CHRNA7: variants seen among roughly 807,000 people sequenced by gnomAD.
CHRNA7 encodes cholinergic receptor nicotinic alpha 7 subunit.
CHRNA7 carries 17 observed loss-of-function variants against 48.0 expected under a neutral mutation model. The ratio of observed to expected loss-of-function variants is 0.35; its 90% CI spans 0.24 to 0.53. The LOEUF (loss-of-function observed/expected upper bound fraction) is 0.53. Among genes scored for constraint, CHRNA7 ranks in the 20% least tolerant of loss-of-function variants. The pLI is 0.92. For synonymous variants in CHRNA7, 75 were observed against 242.3 expected (o/e 0.31, Z 6.41); for missense variants, 155 against 577.7 (o/e 0.27, Z 7.50).
At chr15:32,094,609 C>T (rs180678266) in intron 2 of CHRNA7, among the ~76,000 whole-genome samples, 9 of 152,058 alleles carry the variant, frequency 5.9e-5, no homozygotes, top group East Asian at 3.9e-4. Context: ...AACTTTTTTC[C>T]GATAATTTAA....
At chr15:32,150,460 T>G (rs1448447543) in intron 4 of CHRNA7, among the ~76,000 whole-genome samples, 2 of 152,208 alleles carry the variant, frequency 1.3e-5, no homozygotes, top group African/African-American at 2.4e-5. Context: ...AGGGACAGAC[T>G]TTAATTTTTT....
At chr15:32,097,565 C>T (rs113402671) in intron 2 of CHRNA7, among the ~76,000 whole-genome samples, 10 of 152,156 alleles carry the variant, frequency 6.6e-5, no homozygotes, top group African/African-American at 1.7e-4. Context: ...GACTTCCAGC[C>T]GCCAGAACTG....
Position 32,080,278 on chromosome 15 carries a change from A to G in CHRNA7, c.196-21025A>G, listed in dbSNP as rs532480654. On this transcript the variant is annotated intron_variant, in intron 2 of 9. Transcript: ENST00000306901. ...GTTGAAAACGTCAAAATCAATTGCA[A>G]CAAAAACAAAAATTAACAAATGGGA... 6.0e-4 allele frequency among the ~76,000 whole-genome samples: 92 copies of G among 152,344 alleles called. No individual in the cohort carries two copies. In the South Asian group the frequency reaches 0.019, roughly 31 times the overall value.
At chr15:32,066,400 G>GC (rs2049967614) in intron 2 of CHRNA7, among the ~76,000 whole-genome samples, 1 of 151,938 alleles carries the variant, frequency 6.6e-6, no homozygotes, top group Non-Finnish European at 1.5e-5. Flanking sequence ...TTCTGCCTCA[G>GC]CCTCCCAAGT....
intron 2 of CHRNA7, 64 bp downstream of exon 2, chr15:32,031,101 C>T (rs1395065371): frequency 4.4e-6 from 7 of 1,595,434 alleles, no homozygotes; most frequent in Non-Finnish European, 6.0e-6. Flanking sequence ...GCTTTTTAGA[C>T]AGCGTCGGGC....
intron 2 of CHRNA7, among the ~76,000 whole-genome samples, chr15:32,083,725 T>C (rs2050251623): frequency 6.6e-6 from 1 of 152,224 alleles, no homozygotes; most frequent in African/African-American, 2.4e-5. Flanking sequence ...AAGTGGCTCA[T>C]ATATAACAAA....
chr15:32,097,994 G>A (rs959936895), intron 2 of CHRNA7, among the ~76,000 whole-genome samples: 5 of 152,242 alleles, frequency 3.3e-5, no homozygotes, highest in African/African-American at 1.2e-4. Flanking sequence ...TGGGCAGTGG[G>A]AGTGGAGCCC....
chr15:32,045,101 T>C (rs187049613), intron 2 of CHRNA7, among the ~76,000 whole-genome samples: 71 of 152,352 alleles, frequency 4.7e-4, no homozygotes, highest in African/African-American at 1.7e-3. Context: ...GTTCTTACGA[T>C]GTTTTCTAGC....
chr15:32,114,634 T>C (rs1243847666), intron 4 of CHRNA7, among the ~76,000 whole-genome samples: 3 of 152,242 alleles, frequency 2.0e-5, no homozygotes, highest in African/African-American at 7.2e-5. Flanking sequence ...AAGTAACTGC[T>C]AAATATATGG....
At chr15:32,054,223 A>G (rs901372478) in intron 2 of CHRNA7, among the ~76,000 whole-genome samples, 3 of 152,208 alleles carry the variant, frequency 2.0e-5, no homozygotes, top group South Asian at 2.1e-4. Flanking sequence ...ATGATCAGAG[A>G]TTTAGATTAA....
chr15:32,073,958 T>C (rs2050096914), intron 2 of CHRNA7, among the ~76,000 whole-genome samples: 1 of 152,098 alleles, frequency 6.6e-6, no homozygotes, highest in East Asian at 1.9e-4. Context: ...ACTAATACAT[T>C]GGTCTTCCTT....
chr15:32,083,183 T>C (rs2050242758), intron 2 of CHRNA7, among the ~76,000 whole-genome samples: 1 of 152,086 alleles, frequency 6.6e-6, no homozygotes, highest in African/African-American at 2.4e-5. Flanking sequence ...TAATAGGAGG[T>C]GATTAGCTAA....
intron 2 of CHRNA7, among the ~76,000 whole-genome samples, chr15:32,062,430 G>A (rs1396336366): frequency 2.0e-5 from 3 of 152,044 alleles, no homozygotes; most frequent in Non-Finnish European, 2.9e-5. Flanking sequence ...ATCTTTGGCC[G>A]GTTGTTGAAT....
intron 2 of CHRNA7, among the ~76,000 whole-genome samples, chr15:32,096,708 G>A (rs551686097): frequency 3.7e-4 from 57 of 152,108 alleles, no homozygotes; most frequent in African/African-American, 1.3e-3. Flanking sequence ...AGTAATTCAC[G>A]AAAGAATAAT....
At chr15:32,055,506 G>A (rs544380750) in intron 2 of CHRNA7, among the ~76,000 whole-genome samples, 109 of 152,308 alleles carry the variant, frequency 7.2e-4, no homozygotes, top group African/African-American at 2.6e-3. Flanking sequence ...GTGAGAGAGA[G>A]AGAGCAAGAG....
chr15:32,079,960 C>T (rs1033262269), intron 2 of CHRNA7, among the ~76,000 whole-genome samples: 3 of 152,068 alleles, frequency 2.0e-5, no homozygotes, highest in Non-Finnish European at 2.9e-5. Context: ...GACACATAGA[C>T]CAATGGAACA....
chr15:32,044,068 C>T (rs1258188449), intron 2 of CHRNA7, among the ~76,000 whole-genome samples: 1 of 152,114 alleles, frequency 6.6e-6, no homozygotes, highest in East Asian at 1.9e-4. Flanking sequence ...CTTCTCTGTT[C>T]TTGTTTTCTT....
chr15:32,068,747 G>GT (rs925016807), intron 2 of CHRNA7, among the ~76,000 whole-genome samples: 2 of 151,848 alleles, frequency 1.3e-5, no homozygotes, highest in African/African-American at 4.8e-5. Context: ...AGAAAAAAGT[G>GT]TTACTACAGA....
chr15:32,042,285 G>C (rs1043206532), intron 2 of CHRNA7, among the ~76,000 whole-genome samples: 1 of 152,142 alleles, frequency 6.6e-6, no homozygotes, highest in Non-Finnish European at 1.5e-5. Context: ...TGGCTAGAGT[G>C]GGTGGAGTTC....
Sources: allele counts gnomAD v4.1 joint callset (sites outside exome capture counted in the v4.1 genomes callset), GRCh38; gene constraint gnomAD v4.1.1; transcripts MANE v1.5; gene names NCBI Gene and HGNC (gene_info 2026-07-23, HGNC 2026-07-21).